Variants in SBF2 observed in about 807,000 individuals in gnomAD.
The protein encoded by SBF2 is myotubularin-related protein 13.
SBF2 carries 112 observed loss-of-function variants against 225.2 expected under a neutral mutation model. The observed-to-expected ratio is 0.50, with a 90% confidence interval of 0.43 to 0.58. SBF2 has a LOEUF of 0.58. SBF2 is among the 20% of genes least tolerant of loss of function. SBF2 has a pLI of 0.00. For synonymous variants in SBF2, 763 were observed against 773.3 expected, an observed-to-expected ratio of 0.99 and a Z score of 0.22; for missense variants, 1,996 against 2,206.2, an observed-to-expected ratio of 0.90 and a Z score of 1.91.
chr11:10,135,815 T>G (rs1049126569), intron 2 of SBF2, among the ~76,000 whole-genome samples: 4 of 152,158 alleles, frequency 2.6e-5, no homozygotes. Flanking sequence ...CATTTTCCTA[T>G]CTTCTCCTAA....
At chr11:10,293,909 C>T in intron 1 of SBF2, 106 bp downstream of exon 1, 1 of 744,126 alleles carries the variant, frequency 1.3e-6, no homozygotes, top group Non-Finnish European at 1.8e-6. Flanking sequence ...CGAGACTCGG[C>T]CTGGCCCTCC....
intron 2 of SBF2, among the ~76,000 whole-genome samples, chr11:10,184,006 G>C (rs966009531): frequency 1.3e-5 from 2 of 152,140 alleles, no homozygotes; most frequent in Non-Finnish European, 2.9e-5. Flanking sequence ...TCACAACACA[G>C]AGAAATGATA....
At chr11:9,871,648 T>C (rs951842974) in intron 17 of SBF2, among the ~76,000 whole-genome samples, 2 of 151,966 alleles carry the variant, frequency 1.3e-5, no homozygotes, top group Non-Finnish European at 2.9e-5. Context: ...ACCGCCACCA[T>C]GCTCAGCTAA....
At chr11:9,973,879 C>T (rs1946562429) in intron 13 of SBF2, among the ~76,000 whole-genome samples, 1 of 152,152 alleles carries the variant, frequency 6.6e-6, no homozygotes, top group South Asian at 2.1e-4. Flanking sequence ...AAAGACAAAT[C>T]AATATGATAT....
At chr11:10,173,554 CA>C in intron 2 of SBF2, among the ~76,000 whole-genome samples, 1 of 152,354 alleles carries the variant, frequency 6.6e-6, no homozygotes, top group South Asian at 2.1e-4. Flanking sequence ...AGTCTGAGAT[CA>C]AACTGCAAGG....
chr11:10,063,846 CACACACACACACAG>C (rs1330000204), intron 2 of SBF2, among the ~76,000 whole-genome samples: 5 of 136,838 alleles, frequency 3.7e-5, no homozygotes, highest in African/African-American at 5.3e-5. Context: ...CACACACACA[CACACACACACACAG>C]AGAGAGAGAG....
intron 2 of SBF2, among the ~76,000 whole-genome samples, chr11:10,152,965 T>A (rs1046613746): frequency 6.6e-6 from 1 of 152,152 alleles, no homozygotes; most frequent in Admixed American, 6.5e-5. Flanking sequence ...AAATACAGAA[T>A]GTTTGGGAAG....
chr11:9,925,499 A>T (rs749068088), intron 16 of SBF2, among the ~76,000 whole-genome samples: 1 of 151,928 alleles, frequency 6.6e-6, no homozygotes, highest in Non-Finnish European at 1.5e-5. Context: ...CTGGTCTCAA[A>T]CTCCAACCTC....
chr11:9,805,824 A>G (rs149520624), intron 32 of SBF2, among the ~76,000 whole-genome samples: 1,730 of 152,188 alleles, frequency 0.011, 27 homozygotes, highest in African/African-American at 0.038. Flanking sequence ...GGGTTTCACC[A>G]TGTTGGCCAG....
chr11:10,071,260 TCTC>T lies in SBF2; in HGVS notation c.142-28282_142-28280del, dbSNP rs1236873754. 5.0e-5 allele frequency among the ~76,000 whole-genome samples: 6 copies of T among 119,350 alleles called. 1 individual carries two copies. Among genetic ancestry groups the T allele is most frequent in the Middle Eastern group, 7.8e-3 (2 of 256 alleles). The allele number at this position is 119,350 out of a possible 152,430, so 78.3% of individuals were successfully genotyped here. The stretch of plus-strand genomic sequence containing the variant: ...TGCCGGTTTTCTCTTTTTTTCTCTC[TCTC>T]TCTTTTTTTTTTTTTTTTTTTGAGA... On this transcript the variant is annotated intron_variant, in intron 2 of 39. Transcript: ENST00000256190.
chr11:10,007,094 G>A (rs919148326), intron 6 of SBF2, among the ~76,000 whole-genome samples: 1 of 152,114 alleles, frequency 6.6e-6, no homozygotes, highest in African/African-American at 2.4e-5. Context: ...GTTCATTCTG[G>A]AACCGCACGG....
chr11:10,073,142 C>A (rs1299122001), intron 2 of SBF2, among the ~76,000 whole-genome samples: 1 of 151,976 alleles, frequency 6.6e-6, no homozygotes, highest in Non-Finnish European at 1.5e-5. Flanking sequence ...ATGGGATCTA[C>A]AGGGTTGCTG....
chr11:9,874,619 A>G (rs1180077607), intron 17 of SBF2, among the ~76,000 whole-genome samples: 1 of 152,192 alleles, frequency 6.6e-6, no homozygotes, highest in Non-Finnish European at 1.5e-5. Flanking sequence ...CAGTGCCTAC[A>G]CTTTCTAAGG....
At chr11:10,293,929 G>GGCC in intron 1 of SBF2, 86 bp downstream of exon 1, 1 of 1,038,520 alleles carries the variant, frequency 9.6e-7, no homozygotes, top group Non-Finnish European at 1.2e-6. Context: ...CCCGACGCCC[G>GGCC]TCCCCGACGC....
chr11:10,184,965 GT>G (rs969256312), intron 2 of SBF2, among the ~76,000 whole-genome samples: 3 of 152,126 alleles, frequency 2.0e-5, no homozygotes, highest in Non-Finnish European at 2.9e-5. Context: ...TAGTATTTGT[GT>G]TTTTTTGTGA....
chr11:10,040,544 C>T (rs1391619578), intron 3 of SBF2, among the ~76,000 whole-genome samples: 1 of 151,578 alleles, frequency 6.6e-6, no homozygotes, highest in Non-Finnish European at 1.5e-5. Flanking sequence ...GTAGTATGTA[C>T]TAGATCCTGT....
chr11:10,001,470 G>T (rs1399590245), intron 7 of SBF2, among the ~76,000 whole-genome samples: 1 of 152,054 alleles, frequency 6.6e-6, no homozygotes, highest in Non-Finnish European at 1.5e-5. Context: ...AAAAAAAAGG[G>T]GGGGGCCAAT....
At chr11:10,164,831 G>T (rs1019531085) in intron 2 of SBF2, 1 of 152,228 alleles carries the variant, frequency 6.6e-6, no homozygotes, top group Non-Finnish European at 1.5e-5. Context: ...CACAGTCAGA[G>T]ATCTCAATAT....
intron 16 of SBF2, among the ~76,000 whole-genome samples, chr11:9,944,722 T>C (rs1865465504): frequency 1.3e-5 from 2 of 152,184 alleles, no homozygotes; most frequent in African/African-American, 4.8e-5. Context: ...ACCATTAAAA[T>C]GGCCATACTG....
Sources: allele counts gnomAD v4.1 joint callset (sites outside exome capture counted in the v4.1 genomes callset), GRCh38; gene constraint gnomAD v4.1.1; transcripts MANE v1.5; gene names NCBI Gene and HGNC (gene_info 2026-07-23, HGNC 2026-07-21).